Variants in NEB observed in about 807,000 individuals in gnomAD.
NEB encodes nemaline myopathy type 2.
In NEB, 512 loss-of-function variants were observed where a neutral mutation model predicts 952.2. That is an observed-to-expected ratio of 0.54 (90% confidence interval 0.50 to 0.58). NEB has a LOEUF of 0.58. Ranked by LOEUF, NEB falls within the 20% of genes least tolerant of loss-of-function variation. NEB has a pLI of 0.00. For missense variants in NEB, 8,428 were observed against 9,231.1 expected (o/e 0.91, Z 3.56); for synonymous variants, 2,900 against 3,149.8 (o/e 0.92, Z 2.66).
At chr2:151,659,003 T>C (rs1176256682) in intron 47 of NEB, 62 bp downstream of exon 47, 3 of 1,148,988 alleles carry the variant, frequency 2.6e-6, no homozygotes, top group Non-Finnish European at 4.0e-6. Context: ...TATTAATTAA[T>C]TTGTTCTTAC....
chr2:151,650,382 G>A lies in NEB; in HGVS notation c.7228-3C>T, dbSNP rs577996029. 7 of 1,612,856 alleles carry A rather than the reference G, an allele frequency of 4.3e-6. No homozygotes were observed. Among genetic ancestry groups the A allele is most frequent in the Non-Finnish European group, 5.9e-6 (7 of 1,179,116 alleles). On this transcript the variant is annotated splice_region_variant and splice_polypyrimidine_tract_variant and intron_variant, in intron 53 of 181. Coordinates refer to ENST00000397345, the MANE Select transcript of NEB (RefSeq NM_001164508.2). The stretch of plus-strand genomic sequence containing the variant: ...TCAAGGTCAGATTTATATAGATTCT[G>A]TGAAAAGACAGAGCAAGCCATCAAA...
intron 71 of NEB, 109 bp from the exon 72 acceptor site, chr2:151,621,135 C>T: frequency 1.4e-6 from 1 of 716,304 alleles, no homozygotes; most frequent in Non-Finnish European, 2.4e-6. Context: ...TGAGTATGTT[C>T]AGCCTTAAAT....
chr2:151,528,208 T>C (rs761189847), intron 146 of NEB, among the ~76,000 whole-genome samples: 26 of 152,298 alleles, frequency 1.7e-4, no homozygotes, highest in African/African-American at 2.6e-4. Context: ...ACTGGCTGCA[T>C]TGGGCCAAAT....
chr2:151,619,514 C>G lies in NEB; in HGVS notation c.10809G>C (p.Trp3603Cys), dbSNP rs10172023. 0.31 allele frequency: 500,716 copies of G among 1,613,274 alleles called. 80,452 individuals carry two copies. The highest frequency in any genetic ancestry group is 0.33 in the Non-Finnish European group (392,665 of 1,179,418). ...TGTCATTCTGGTCGGGCAGGCAGAT[C>G]CATTCATGCAGAGGATGTTTATAGT... ...DVDYKHPLHE[W>C]ICLPDQNDII... Residue 3603 changes from tryptophan to cysteine, a missense_variant, in exon 73 of 182, where the codon TGG becomes TGC. Around this residue, in one of 11 missense-constraint regions of NEB, gnomAD observed 1,772 missense variants for 1,960.3 expected, o/e 0.90. Transcript: ENST00000397345.
chr2:151,722,976 T>C (rs940609260), intron 9 of NEB, among the ~76,000 whole-genome samples: 24 of 152,168 alleles, frequency 1.6e-4, no homozygotes, highest in Admixed American at 6.5e-5. Flanking sequence ...ACTTAATAGA[T>C]TTGGGAAGGT....
intron 83 of NEB, 53 bp from the exon 84 acceptor site, chr2:151,606,766 T>TG: frequency 2.0e-6 from 1 of 498,168 alleles, no homozygotes; most frequent in Non-Finnish European, 3.5e-6. Flanking sequence ...TAAGCAAATT[T>TG]ACTCAAATTT....
chr2:151,665,551 G>C lies in NEB; in HGVS notation c.5032-12C>G. ...GATTTGTACAGATTCTTTACAATGA[G>C]AAAAAAAATTTCATTTCAGAAAGAG... On this transcript the variant is annotated splice_polypyrimidine_tract_variant and intron_variant, in intron 41 of 181. Transcript: ENST00000397345. 1 of 1,542,126 alleles carries C rather than the reference G, an allele frequency of 6.5e-7. No individual in the cohort carries two copies. The highest frequency in any genetic ancestry group is 8.8e-7 in the Non-Finnish European group (1 of 1,141,456).
chr2:151,605,952 G>A lies in NEB; in HGVS notation c.12747+654C>T, dbSNP rs570243269. Among the ~76,000 whole-genome samples the A allele has an allele frequency of 8.0e-5, 8 of 100,216 alleles. 2 individuals are homozygous for A. The highest frequency in any genetic ancestry group is 2.8e-4 in the Admixed American group (2 of 7,228). 65.7% of individuals were successfully genotyped at this position (100,216 alleles called of 152,430 possible). On this transcript the variant is annotated intron_variant, in intron 84 of 181. Transcript: ENST00000397345. The stretch of plus-strand genomic sequence containing the variant: ...TGAGTAGCTGGGATTACAGGCTCCC[G>A]CCACCACGCCCAGCTAAGTTTTTGT...
chr2:151,702,469 T>G (rs1398810276), intron 13 of NEB, among the ~76,000 whole-genome samples: 2 of 152,138 alleles, frequency 1.3e-5, no homozygotes, highest in Non-Finnish European at 2.9e-5. Context: ...AGTGGGGTGT[T>G]AAAGTCTCCC....
intron 102 of NEB, 141 bp from the exon 103 acceptor site, chr2:151,581,728 CTAACA>C (rs1331150832): frequency 1.7e-5 from 12 of 716,622 alleles, no homozygotes; most frequent in South Asian, 8.8e-5. Flanking sequence ...TAAATTAAAA[CTAACA>C]TAAGTAAATT....
Position 151,576,131 on chromosome 2 carries a change from A to G in NEB, c.16908+20T>C. ...TATTTATGGCATTAATTCAATTTTAATAGAGAAAAACTAACTCACAATACT... is the reference window on the plus strand; with the variant it reads ...TATTTATGGCATTAATTCAATTTTAGTAGAGAAAAACTAACTCACAATACT... On this transcript the variant is annotated intron_variant, in intron 106 of 181. Coordinates refer to ENST00000397345, the MANE Select transcript of NEB (RefSeq NM_001164508.2). 6.5e-7 allele frequency: 1 copy of G among 1,542,204 alleles called. No individual in the cohort carries two copies. Among genetic ancestry groups the G allele is most frequent in the Non-Finnish European group, 8.8e-7 (1 of 1,131,510 alleles).
chr2:151,630,662 A>G (rs1343911786), intron 67 of NEB, 53 bp downstream of exon 67: 2 of 1,431,890 alleles, frequency 1.4e-6, no homozygotes, highest in Non-Finnish European at 1.9e-6. Context: ...TCTCCACAAA[A>G]CTAAGTATAG....
At position 151,526,903 on chromosome 2, in the gene NEB, G is replaced by A; in HGVS notation, c.21945+15C>T. The A allele has an allele frequency of 6.5e-7, 1 of 1,530,748 alleles. No homozygotes were observed. 94.8% of individuals were successfully genotyped at this position (1,530,748 alleles called of 1,614,324 possible). ...TGAGTGAGGTTAGGCATCATGGAAG[G>A]AACTAGGTACTTACATCACTTTCTA... On this transcript the variant is annotated intron_variant, in intron 148 of 181. Coordinates refer to ENST00000397345, the MANE Select transcript of NEB (RefSeq NM_001164508.2).
chr2:151,495,447 G>GCGTGCTA (rs2059562491), intron 173 of NEB: 1 of 151,218 alleles, frequency 6.6e-6, no homozygotes, highest in Non-Finnish European at 1.5e-5. Context: ...ACGTTATTCT[G>GCGTGCTA]ATGCGTGCTA....
chr2:151,485,945 G>A lies in NEB; in HGVS notation c.25405-12C>T. ...GCACGGAAGATTTTCTATTCGTGGG[G>A]ATGGAAAAGGGGAAATATTATATGT... On this transcript the variant is annotated splice_polypyrimidine_tract_variant and intron_variant, in intron 181 of 181. Coordinates refer to ENST00000397345, the MANE Select transcript of NEB (RefSeq NM_001164508.2). 2 of 1,612,728 alleles carry A rather than the reference G, an allele frequency of 1.2e-6. No individual in the cohort carries two copies. The highest frequency in any genetic ancestry group is 3.3e-5 in the Admixed American group (2 of 59,992).
intron 64 of NEB, 102 bp downstream of exon 64, chr2:151,636,125 A>T (rs2098759000): frequency 1.0e-6 from 1 of 957,114 alleles, no homozygotes; most frequent in African/African-American, 1.7e-5. Flanking sequence ...ATATATCAGG[A>T]TATATTTTCA....
Position 151,644,051 on chromosome 2 carries a change from T to A in NEB, c.7723A>T (p.Met2575Leu), listed in dbSNP as rs1478735397. The change falls in exon 57 of 182, where the codon ATG (methionine) becomes TTG (leucine). Residue 2575 changes from methionine (M) to leucine (L), a missense_variant. This residue lies in a region of NEB where 1,772 missense variants were observed against 1,960.3 expected (regional missense o/e 0.90). Coordinates refer to ENST00000397345, the MANE Select transcript of NEB (RefSeq NM_001164508.2). ...ATCTTGGCCACATGCATGGACCACA[T>A]CATCTTGGGGTCATCTTCAATGTTC... ...ARNIEDDPKM[M>L]WSMHVAKIQS... is the part of the protein sequence containing the mutation. 6.2e-7 allele frequency: 1 copy of A among 1,613,932 alleles called. No individual in the cohort carries two copies. The highest frequency in any genetic ancestry group is 8.5e-7 in the Non-Finnish European group (1 of 1,179,866).
chr2:151,656,412 C>A lies in NEB; in HGVS notation c.6236G>T (p.Arg2079Leu), dbSNP rs760134969. Residue 2079 changes from arginine (R) to leucine (L), a missense_variant, in exon 49 of 182, where the codon CGC becomes CTC. This residue lies in a region of NEB where 2,851 missense variants were observed against 2,791.5 expected (regional missense o/e 1.02). Coordinates refer to ENST00000397345, the MANE Select transcript of NEB (RefSeq NM_001164508.2). ...EKGKGKMVGF[R>L]SLEDDPKLVH... ...TAATTTGGGATCATCCTCGAGACTG[C>A]GGAAACCAACCATTTTCCCCTTCCC... 1 of 1,612,714 alleles carries A rather than the reference C, an allele frequency of 6.2e-7. No homozygotes were observed. Among genetic ancestry groups the A allele is most frequent in the African/African-American group, 1.3e-5 (1 of 74,796 alleles).
chr2:151,671,647 C>G lies in NEB; in HGVS notation c.4300-418G>C, dbSNP rs12998096. 5.6e-3 allele frequency among the ~76,000 whole-genome samples: 859 copies of G among 152,258 alleles called. 7 individuals carry two copies. Among genetic ancestry groups the G allele is most frequent in the Middle Eastern group, 0.014 (4 of 294 alleles). On this transcript the variant is annotated intron_variant, in intron 37 of 181. Transcript: ENST00000397345. ...GGTCACTATGGGTGCTGCTAAAAAG[C>G]ATTTTGTCACTTTTGACAATAAATT...
Sources: allele counts gnomAD v4.1 joint callset (sites outside exome capture counted in the v4.1 genomes callset), GRCh38; gene constraint gnomAD v4.1.1; regional missense constraint gnomAD v4.1.1; transcripts MANE v1.5; gene names NCBI Gene and HGNC (gene_info 2026-07-23, HGNC 2026-07-21).